TXLNB: variants seen among roughly 807,000 people sequenced by gnomAD.
TXLNB encodes the protein beta-taxilin.
Under a neutral mutation model 57.4 loss-of-function variants are expected in TXLNB, and 37 were observed. The ratio of observed to expected loss-of-function variants is 0.64; its 90% CI spans 0.50 to 0.85. TXLNB has a LOEUF of 0.85. TXLNB is among the 40% of genes least tolerant of loss of function. TXLNB has a pLI of 0.00. For missense variants in TXLNB, 848 were observed against 825.6 expected (o/e 1.03, Z -0.33); for synonymous variants, 302 against 309.6 (o/e 0.98, Z 0.26).
the TXLNB span, among the ~76,000 whole-genome samples, chr6:139,301,098 T>A: frequency 6.6e-6 from 1 of 152,096 alleles, no homozygotes; most frequent in Non-Finnish European, 1.5e-5. Context: ...GGGTCACTGT[T>A]CAAACAAAAT....
the TXLNB span, among the ~76,000 whole-genome samples, chr6:139,195,188 CCTT>C: frequency 2.3e-4 from 35 of 152,154 alleles, no homozygotes; most frequent in African/African-American, 6.8e-4. Flanking sequence ...TGGATTGAGT[CCTT>C]CTCACATTGC....
At chr6:139,163,101 G>C in the TXLNB span, among the ~76,000 whole-genome samples, 1 of 152,304 alleles carries the variant, frequency 6.6e-6, no homozygotes, top group South Asian at 2.1e-4. Context: ...TTTTGGCTGG[G>C]ACTTTTCAGG....
chr6:139,270,693 A>C, intron 3 of TXLNB, 67 bp from the exon 4 acceptor site: 1 of 1,411,804 alleles, frequency 7.1e-7, no homozygotes, highest in Non-Finnish European at 9.8e-7. Context: ...ATAGAAAAAA[A>C]GCAAACCTAA....
chr6:139,255,474 G>A (rs754428356), intron 7 of TXLNB, 90 bp downstream of exon 7: 18 of 987,076 alleles, frequency 1.8e-5, no homozygotes, highest in Non-Finnish European at 2.8e-5. Context: ...CTGCCACATA[G>A]GAGGACTTCT....
At chr6:139,310,408 C>G in the TXLNB span, among the ~76,000 whole-genome samples, 1 of 152,190 alleles carries the variant, frequency 6.6e-6, no homozygotes, top group African/African-American at 2.4e-5. Flanking sequence ...TAAGGAATGA[C>G]TTTATACACT....
the TXLNB span, among the ~76,000 whole-genome samples, chr6:139,210,567 T>A: frequency 1.4e-3 from 214 of 152,258 alleles, 1 homozygote; most frequent in African/African-American, 4.8e-3. Flanking sequence ...ACGCAGAAGA[T>A]GGGTGATTTC....
At chr6:139,196,937 CT>C in the TXLNB span, among the ~76,000 whole-genome samples, 1 of 152,098 alleles carries the variant, frequency 6.6e-6, no homozygotes, top group East Asian at 1.9e-4. Flanking sequence ...GAATAATTCC[CT>C]TATTTTAAGG....
Position 139,247,907 on chromosome 6 carries a change from G to A in TXLNB, c.1080C>T (p.Leu360=). Reference sequence around the variant, plus strand: ...CTTCAAACCTTCCTGAGTAGAGAGTGAGCTGTAAACAGAGGAAAGAGTGGA... The same window carrying A: ...CTTCAAACCTTCCTGAGTAGAGAGTAAGCTGTAAACAGAGGAAAGAGTGGA... The part of the protein sequence containing the change: ...KEQETVLQAQ[L]TLYSGRFEEF... Residue 360 remains leucine, a splice_region_variant and synonymous_variant, in exon 8 of 10, where the codon CTC becomes CTT. Transcript: ENST00000358430. 3 of 1,595,964 alleles carry A rather than the reference G, an allele frequency of 1.9e-6. No individual in the cohort carries two copies. Among genetic ancestry groups the A allele is most frequent in the Non-Finnish European group, 2.6e-6 (3 of 1,168,278 alleles).
chr6:139,209,157 GA>G, the TXLNB span, among the ~76,000 whole-genome samples: 1 of 152,230 alleles, frequency 6.6e-6, no homozygotes, highest in Non-Finnish European at 1.5e-5. Flanking sequence ...TGACCAAGCT[GA>G]GAATCAAATC....
chr6:139,215,963 A>G, the TXLNB span, among the ~76,000 whole-genome samples: 53,912 of 150,314 alleles, frequency 0.36, 10,710 homozygotes, highest in African/African-American at 0.54. Context: ...TCATTAAAAA[A>G]TCAGGAAACA....
At chr6:139,265,525 G>C (rs1055594909) in intron 4 of TXLNB, among the ~76,000 whole-genome samples, 1 of 152,172 alleles carries the variant, frequency 6.6e-6, no homozygotes, top group South Asian at 2.1e-4. Context: ...TTGTGATGGC[G>C]GAAATACCTA....
Position 139,260,369 on chromosome 6 carries a change from G to T in TXLNB, c.951C>A (p.Ala317=). ...CCTCCGCTTCCTTCATCATTTCTTG[G>T]GCCTGCTCAAGCTTTGCATCCACCA... is the stretch of plus-strand genomic sequence containing the variant. ...QKLVDAKLEQ[A]QEMMKEAEER... is the part of the protein sequence containing the mutation. The change falls in exon 6 of 10, where the codon GCC becomes GCA. Residue 317 remains alanine (A), a synonymous_variant. Transcript: ENST00000358430. 1 of 1,613,786 alleles carries T rather than the reference G, an allele frequency of 6.2e-7. No homozygotes were observed. Among genetic ancestry groups the T allele is most frequent in the Non-Finnish European group, 8.5e-7 (1 of 1,179,922 alleles).
chr6:139,199,893 T>C, the TXLNB span: 2 of 152,180 alleles, frequency 1.3e-5, no homozygotes, highest in African/African-American at 2.4e-5. Flanking sequence ...TTTAAGACTT[T>C]AATGGGAAGC....
chr6:139,316,098 A>G, the TXLNB span, among the ~76,000 whole-genome samples: 1 of 152,236 alleles, frequency 6.6e-6, no homozygotes, highest in African/African-American at 2.4e-5. Flanking sequence ...GAATGTAAAA[A>G]TCTTGTTAGA....
chr6:139,181,101 A>G, the TXLNB span, among the ~76,000 whole-genome samples: 1 of 142,386 alleles, frequency 7.0e-6, no homozygotes, highest in African/African-American at 2.7e-5. Context: ...TTTGATAGAT[A>G]GTATAGTGTT....
At chr6:139,166,335 T>G in the TXLNB span, 1 of 1,613,486 alleles carries the variant, frequency 6.2e-7, no homozygotes, top group Non-Finnish European at 8.5e-7. Flanking sequence ...CCGGTGGACC[T>G]GGAGAAGGAC....
At chr6:139,211,197 G>A in the TXLNB span, among the ~76,000 whole-genome samples, 1 of 152,212 alleles carries the variant, frequency 6.6e-6, no homozygotes. Context: ...GTGGGTCCCT[G>A]ACCCCTGAGT....
At chr6:139,163,352 CTT>C in the TXLNB span, among the ~76,000 whole-genome samples, 6 of 142,450 alleles carry the variant, frequency 4.2e-5, no homozygotes, top group East Asian at 2.4e-4. Context: ...GTTCTCCATT[CTT>C]TTTTTTTTTT....
chr6:139,232,185 AAG>A, the TXLNB span, among the ~76,000 whole-genome samples: 1 of 152,212 alleles, frequency 6.6e-6, no homozygotes, highest in Non-Finnish European at 1.5e-5. Context: ...ATCATGGCAG[AAG>A]GGGAAGCAGG....
Sources: allele counts gnomAD v4.1 joint callset (sites outside exome capture counted in the v4.1 genomes callset), GRCh38; gene constraint gnomAD v4.1.1; transcripts MANE v1.5; gene names NCBI Gene and HGNC (gene_info 2026-07-23, HGNC 2026-07-21).